PPP1R37: variants seen among roughly 807,000 people sequenced by gnomAD.
PPP1R37 encodes leucine rich repeat containing 68.
In PPP1R37, 21 loss-of-function variants were observed where a neutral mutation model predicts 61.0. The observed-to-expected ratio is 0.34, with a 90% confidence interval of 0.24 to 0.50. The LOEUF (loss-of-function observed/expected upper bound fraction) is 0.50. Ranked by LOEUF, PPP1R37 falls within the 20% of genes least tolerant of loss-of-function variation. PPP1R37 has a pLI of 0.98. For synonymous variants in PPP1R37, 443 were observed against 433.5 expected (o/e 1.02, Z -0.27); for missense variants, 910 against 952.7 (o/e 0.96, Z 0.59).
At chr19:45,129,362 C>G (rs914539544) in intron 1 of PPP1R37, among the ~76,000 whole-genome samples, 3 of 152,136 alleles carry the variant, frequency 2.0e-5, no homozygotes, top group Non-Finnish European at 2.9e-5. Context: ...GCACGGGGCA[C>G]CATCTCGGCT....
intron 1 of PPP1R37, among the ~76,000 whole-genome samples, chr19:45,132,320 T>A (rs968444066): frequency 1.1e-4 from 16 of 152,154 alleles, no homozygotes; most frequent in Non-Finnish European, 1.5e-5. Flanking sequence ...CTTTTCTTTT[T>A]TTTTTAAGAG....
At chr19:45,114,813 G>T (rs2043320) in intron 1 of PPP1R37, among the ~76,000 whole-genome samples, 1 of 151,394 alleles carries the variant, frequency 6.6e-6, no homozygotes, top group Non-Finnish European at 1.5e-5. Context: ...TTAAATTTTC[G>T]GAAGGTGCAT....
Position 45,145,622 on chromosome 19 carries a change from G to A in PPP1R37, c.1566G>A (p.Glu522=), listed in dbSNP as rs935224090. Residue 522 remains glutamate (E), a synonymous_variant, in exon 11 of 13, where the codon GAG becomes GAA. Coordinates refer to ENST00000221462, the MANE Select transcript of PPP1R37 (RefSeq NM_019121.2). The stretch of plus-strand genomic sequence containing the variant: ...AGGAAGAGGAGGAAGAGGAAGGGGA[G>A]AGGGACGAGACCCCCTGTCCTGCCC... ...DGEEEEEEEG[E]RDETPCPALV... 3.7e-5 allele frequency: 57 copies of A among 1,535,940 alleles called. No individual in the cohort carries two copies. The highest frequency in any genetic ancestry group is 4.8e-5 in the Non-Finnish European group (55 of 1,146,830).
chr19:45,130,076 G>A lies in PPP1R37; in HGVS notation c.203-8438G>A, dbSNP rs1185301817. ...TAACCAGCAGGGTGCCAAGCAGGGG[G>A]ATGCCTGGGCTGCAGGCATTGACTC... On this transcript the variant is annotated intron_variant, in intron 1 of 12. Transcript: ENST00000221462. This position sits in a 1 kb window ranked among gnomAD's most constrained non-coding sequence, Gnocchi z 4.4. 2.6e-5 allele frequency among the ~76,000 whole-genome samples: 4 copies of A among 152,096 alleles called. No homozygotes were observed. Among genetic ancestry groups the A allele is most frequent in the Non-Finnish European group, 4.4e-5 (3 of 68,014 alleles).
At chr19:45,126,362 C>T (rs775100601) in intron 1 of PPP1R37, among the ~76,000 whole-genome samples, 1 of 152,112 alleles carries the variant, frequency 6.6e-6, no homozygotes, top group Non-Finnish European at 1.5e-5. Flanking sequence ...CTCACCAAGC[C>T]CTCCCTGGGA....
At chr19:45,109,565 TAAG>T (rs1968173936) in intron 1 of PPP1R37, among the ~76,000 whole-genome samples, 1 of 152,200 alleles carries the variant, frequency 6.6e-6, no homozygotes, top group South Asian at 2.1e-4. Flanking sequence ...TTTTTGCAGA[TAAG>T]AAACTGCTAC....
At chr19:45,108,400 G>A (rs1968159885) in intron 1 of PPP1R37, among the ~76,000 whole-genome samples, 1 of 151,658 alleles carries the variant, frequency 6.6e-6, no homozygotes, top group African/African-American at 2.4e-5. Flanking sequence ...AGTAGAGACG[G>A]GGTTTCACTG....
In PPP1R37 at chr19:45,125,011, CGGAATTCTCCTAAATTCGAAGCTT is replaced by C. The variant is rs928914294; in HGVS notation, c.203-13480_203-13457del. 5.3e-5 allele frequency among the ~76,000 whole-genome samples: 8 copies of C among 152,172 alleles called. No homozygotes were observed. In the East Asian group the frequency reaches 5.8e-4, roughly 11 times the overall value. The stretch of plus-strand genomic sequence containing the variant: ...AATGTTTACCAGATGAGAGGCAAGA[CGGAATTCTCCTAAATTCGAAGCTT>C]GGAATTCTCCTAAATTCGAAGCCTG... On this transcript the variant is annotated intron_variant, in intron 1 of 12. Transcript: ENST00000221462.
chr19:45,140,336 C>G, intron 3 of PPP1R37, 55 bp downstream of exon 3: 3 of 1,506,148 alleles, frequency 2.0e-6, no homozygotes, highest in Non-Finnish European at 2.7e-6. Context: ...GTCGGGGGCT[C>G]CCTAGAGCTG....
chr19:45,145,528 G>C lies in PPP1R37; in HGVS notation c.1472G>C (p.Gly491Ala). The C allele has an allele frequency of 6.5e-7, 1 of 1,534,480 alleles. No individual in the cohort carries two copies. Among genetic ancestry groups the C allele is most frequent in the East Asian group, 2.4e-5 (1 of 40,858 alleles). ...EPQPDDEPAA[G>A]VQNGAPSPAP... ...CAGCCCGACGACGAGCCCGCCGCTG[G>C]GGTGCAGAACGGGGCCCCCAGCCCC... is the stretch of plus-strand genomic sequence containing the variant. Residue 491 changes from glycine (G) to alanine (A), a missense_variant, in exon 11 of 13, where the codon GGG (glycine) becomes GCG (alanine). Physicochemically the swap from Gly to Ala is moderately conservative, Grantham distance 60 (BLOSUM62 0). Transcript: ENST00000221462.
intron 1 of PPP1R37, among the ~76,000 whole-genome samples, chr19:45,123,787 C>T (rs1014806767): frequency 2.6e-5 from 4 of 152,240 alleles, no homozygotes; most frequent in African/African-American, 9.6e-5. Flanking sequence ...TGTTTCACTA[C>T]ATGAGTAGCT....
intron 1 of PPP1R37, among the ~76,000 whole-genome samples, chr19:45,096,799 G>A (rs577779033): frequency 1.8e-4 from 28 of 152,266 alleles, no homozygotes; most frequent in African/African-American, 6.7e-4. Flanking sequence ...GAGTCCGTGC[G>A]TCTGAGCTGC....
intron 1 of PPP1R37, among the ~76,000 whole-genome samples, chr19:45,123,461 AG>A (rs767708393): frequency 1.4e-4 from 22 of 152,200 alleles, no homozygotes; most frequent in Non-Finnish European, 2.9e-4. Context: ...AAGTTCGAGA[AG>A]GCTGCATTTC....
chr19:45,095,532 G>A (rs1194932727), intron 1 of PPP1R37, among the ~76,000 whole-genome samples: 2 of 151,746 alleles, frequency 1.3e-5, no homozygotes, highest in Non-Finnish European at 2.9e-5. Flanking sequence ...TCAGGCCAAG[G>A]TGGGCAGATC....
chr19:45,129,075 G>A (rs1968444540), intron 1 of PPP1R37: 2 of 644,444 alleles, frequency 3.1e-6, no homozygotes, highest in South Asian at 2.8e-5. Context: ...GATCTTCTGA[G>A]ACTGCAGAGG....
In PPP1R37 at chr19:45,145,367, C is replaced by T. The variant is rs972635063; in HGVS notation, c.1311C>T (p.Ile437=). 115 of 1,534,732 alleles carry T rather than the reference C, an allele frequency of 7.5e-5. No homozygotes were observed. Among genetic ancestry groups the T allele is most frequent in the Non-Finnish European group, 9.0e-5 (103 of 1,146,326 alleles). ...TCCCGCCACAGGTGAAGAGCTTCATCGAGACGCAGAAGGCGCTGCTGGCCG... is the reference window on the plus strand; with the variant it reads ...TCCCGCCACAGGTGAAGAGCTTCATTGAGACGCAGAAGGCGCTGCTGGCCG... ...EPKKEAVKSF[I]ETQKALLAEI... Residue 437 remains isoleucine, a synonymous_variant, in exon 11 of 13, where the codon ATC becomes ATT. Coordinates refer to ENST00000221462, the MANE Select transcript of PPP1R37 (RefSeq NM_019121.2).
chr19:45,140,571 G>A lies in PPP1R37; in HGVS notation c.412G>A (p.Val138Ile). The A allele has an allele frequency of 6.5e-7, 1 of 1,536,114 alleles. No individual in the cohort carries two copies. Among genetic ancestry groups the A allele is most frequent in the Non-Finnish European group, 8.7e-7 (1 of 1,146,890 alleles). ...GGTCTTCAAGAGGCTGCAGTTCAAG[G>A]TCGTGGACCTGGAGCAGACAAACCT... is the stretch of plus-strand genomic sequence containing the variant. ...EEVFKRLQFKVVDLEQTNLDE... is the reference protein window; with the variant it reads ...EEVFKRLQFKIVDLEQTNLDE... The change falls in exon 4 of 13, where the codon GTC (valine) becomes ATC (isoleucine). Residue 138 changes from valine to isoleucine, a missense_variant. This residue lies in a region of PPP1R37 where 280 missense variants were observed against 382.2 expected (regional missense o/e 0.73). Coordinates refer to ENST00000221462, the MANE Select transcript of PPP1R37 (RefSeq NM_019121.2).
At chr19:45,142,564 A>G (rs1568450844) in intron 7 of PPP1R37, 106 bp downstream of exon 7, 4 of 1,139,444 alleles carry the variant, frequency 3.5e-6, no homozygotes, top group Non-Finnish European at 4.9e-6. Context: ...GACCACCCCA[A>G]CGCTGTCCTG....
At chr19:45,108,133 G>A (rs186695087) in intron 1 of PPP1R37, among the ~76,000 whole-genome samples, 4 of 152,248 alleles carry the variant, frequency 2.6e-5, no homozygotes, top group East Asian at 3.9e-4. Flanking sequence ...TGAGGGCTAG[G>A]GTTCTGTCGT....
Sources: gnomAD v4.1 joint callset for allele counts (sites outside exome capture counted in the v4.1 genomes callset) on GRCh38, gnomAD v4.1.1 for gene constraint, gnomAD v4.1.1 regional missense constraint, Gnocchi (gnomAD v3.1) non-coding constraint, MANE v1.5 for transcripts, NCBI Gene and HGNC (gene_info 2026-07-23, HGNC 2026-07-21) for gene names.